ZNF844: variants seen among roughly 807,000 people sequenced by gnomAD.
The protein encoded by ZNF844 is zinc finger protein 844.
A neutral mutation model predicts 11.4 loss-of-function variants in ZNF844; 11 were observed. The observed-to-expected ratio is 0.97, with a 90% confidence interval of 0.61 to 1.60. The LOEUF is 1.60. Ranked by LOEUF, ZNF844 falls within the 40% of genes most tolerant of loss-of-function variation. The pLI, the probability that ZNF844 is intolerant of heterozygous loss-of-function variation, is 0.00. For synonymous variants in ZNF844, 248 were observed against 260.3 expected, an observed-to-expected ratio of 0.95 and a Z score of 0.46; for missense variants, 790 against 796.8, an observed-to-expected ratio of 0.99 and a Z score of 0.10.
chr19:12,072,616 T>G (rs778242137), intron 1 of ZNF844, among the ~76,000 whole-genome samples: 9 of 152,106 alleles, frequency 5.9e-5, no homozygotes, highest in Non-Finnish European at 1.2e-4. Flanking sequence ...AAAGTCTCAG[T>G]GTTGTTGCCC....
rs1975878073 is a variant in ZNF844 at position 12,080,102 on chromosome 19, A to C, written c.*2981A>C. On this transcript the variant is annotated 3_prime_UTR_variant, in exon 4 of 4. Transcript: ENST00000439326. ...AGTGGCTCACGCCTGTAATCCCAGC[A>C]CTTTGGGAGGCTGAGGTGGGCGGAT... 1 of 160,664 alleles carries C rather than the reference A, an allele frequency of 6.2e-6. No individual in the cohort carries two copies. Among genetic ancestry groups the C allele is most frequent in the Non-Finnish European group, 1.4e-5 (1 of 73,670 alleles). 10.0% of individuals were successfully genotyped at this position (160,664 alleles called of 1,614,324 possible).
rs552020955 is a variant in ZNF844, at chr19:12,076,892, T to G, written c.1772T>G (p.Val591Gly). 3 of 1,574,656 alleles carry G rather than the reference T, an allele frequency of 1.9e-6. No individual in the cohort carries two copies. The highest frequency in any genetic ancestry group is 2.6e-6 in the Non-Finnish European group (3 of 1,160,094). The change falls in exon 4 of 4, where the codon GTG becomes GGG. Residue 591 changes from valine to glycine, a missense_variant. By Grantham distance (109) the Val-to-Gly change is moderately radical (BLOSUM62 -3). Transcript: ENST00000439326. ...EDRMPMNVKS[V>G]TKHSYLPRSF... The stretch of plus-strand genomic sequence containing the variant: ...AGAATGCCTATGAATGTAAAGAGTG[T>G]GACAAAGCATTCATATCTGCCAAGA...
In ZNF844 at chr19:12,075,655, A is replaced by G. The variant is rs1166322728; in HGVS notation, c.535A>G (p.Ile179Val). The change falls in exon 4 of 4, where the codon ATA becomes GTA. Residue 179 changes from isoleucine (I) to valine (V), a missense_variant. Physicochemically the swap from Ile to Val is conservative, Grantham distance 29. This residue lies in a region of ZNF844 where 657 missense variants were observed against 636.2 expected (regional missense o/e 1.03). Coordinates refer to ENST00000439326, the MANE Select transcript of ZNF844 (RefSeq NM_001136501.3). The stretch of plus-strand genomic sequence containing the variant: ...TTGTAAAGAATGTGGAAAAACCTTC[A>G]TATCCCATTCAAGCATTCAAAGACA... ...YDCKECGKTF[I>V]SHSSIQRHMI... 6.2e-7 allele frequency: 1 copy of G among 1,612,122 alleles called. No individual in the cohort carries two copies. Among genetic ancestry groups the G allele is most frequent in the African/African-American group, 1.3e-5 (1 of 74,720 alleles).
chr19:12,071,835 T>G (rs1246460674), intron 1 of ZNF844, among the ~76,000 whole-genome samples: 1 of 152,020 alleles, frequency 6.6e-6, no homozygotes, highest in Admixed American at 6.6e-5. Flanking sequence ...AATACTGTAT[T>G]TTTGTGACTG....
Position 12,066,530 on chromosome 19 carries a change from CTTT to C in ZNF844, c.3+1676_3+1678del, listed in dbSNP as rs80186949. Among the ~76,000 whole-genome samples the C allele has an allele frequency of 7.4e-3, 680 of 92,306 alleles. 1 individual carries two copies. The highest frequency in any genetic ancestry group is 0.029 in the African/African-American group (633 of 21,744). 60.6% of individuals were successfully genotyped at this position (92,306 alleles called of 152,430 possible). ...ATTTAAACTATAACATAAATGTCTT[CTTT>C]TTTTTTTTTTTTTTTTTTTTTGTTG... On this transcript the variant is annotated intron_variant, in intron 1 of 3. Transcript: ENST00000439326.
At chr19:12,072,728 C>G (rs1157312152) in intron 1 of ZNF844, among the ~76,000 whole-genome samples, 2 of 152,020 alleles carry the variant, frequency 1.3e-5, no homozygotes, top group Admixed American at 6.6e-5. Flanking sequence ...GGATTACAGG[C>G]ACCCACCACC....
chr19:12,073,190 G>A (rs937485213), intron 1 of ZNF844, among the ~76,000 whole-genome samples: 15 of 149,390 alleles, frequency 1.0e-4, no homozygotes, highest in African/African-American at 2.7e-4. Context: ...ACAGAGTTTC[G>A]CTTTTGTTGC....
intron 1 of ZNF844, among the ~76,000 whole-genome samples, chr19:12,065,718 A>G (rs2145539880): frequency 6.7e-6 from 1 of 150,296 alleles, no homozygotes; most frequent in East Asian, 2.0e-4. Context: ...GCTCAGTGCA[A>G]CCTCTGCCTC....
Position 12,076,569 on chromosome 19 carries a change from G to T in ZNF844, c.1449G>T (p.Lys483Asn), listed in dbSNP as rs372799767. The T allele has an allele frequency of 2.0e-5, 32 of 1,610,120 alleles. No homozygotes were observed. The African/African-American group carries it at 3.6e-4, about 18-fold the overall frequency. The change falls in exon 4 of 4, where the codon AAG (lysine) becomes AAT (asparagine). Residue 483 changes from lysine to asparagine, a missense_variant. Lys to Asn is a moderately conservative substitution (Grantham distance 94, BLOSUM62 0). Around this residue, in one of 3 missense-constraint regions of ZNF844, gnomAD observed 657 missense variants for 636.2 expected, o/e 1.03. Coordinates refer to ENST00000439326, the MANE Select transcript of ZNF844 (RefSeq NM_001136501.3). The part of the protein sequence containing the change: ...RNPMNVSSVV[K>N]PSFFPLPFDI... ...CTATGAATGTAAGCAGTGTGGTAAA[G>T]CCTTCATTTTTTCCACTTCCTTTCG...
chr19:12,067,290 G>C (rs1395884079), intron 1 of ZNF844, among the ~76,000 whole-genome samples: 1 of 152,054 alleles, frequency 6.6e-6, no homozygotes, highest in Non-Finnish European at 1.5e-5. Context: ...CTCCAGTCTG[G>C]GTGACAGAGT....
At chr19:12,067,361 C>T (rs904234895) in intron 1 of ZNF844, among the ~76,000 whole-genome samples, 2 of 151,998 alleles carry the variant, frequency 1.3e-5, no homozygotes, top group Admixed American at 6.6e-5. Context: ...CCTGTAATCC[C>T]AGCGCTTTGG....
At chr19:12,066,342 CAAGCAAAAAACCTGAAA>C (rs940480590) in intron 1 of ZNF844, among the ~76,000 whole-genome samples, 3 of 151,648 alleles carry the variant, frequency 2.0e-5, no homozygotes, top group African/African-American at 7.3e-5. Context: ...GGGTGTCAGA[CAAGCAAAAAACCTGAAA>C]ACACTTATCT....
At chr19:12,065,048 G>C (rs997813756) in intron 1 of ZNF844, among the ~76,000 whole-genome samples, 172 bp downstream of exon 1, 1 of 151,954 alleles carries the variant, frequency 6.6e-6, no homozygotes, top group African/African-American at 2.4e-5. Context: ...CGGCCGCCGG[G>C]TGCGGCTGGG....
At chr19:12,066,643 T>C (rs1220870491) in intron 1 of ZNF844, among the ~76,000 whole-genome samples, 11 of 147,712 alleles carry the variant, frequency 7.4e-5, no homozygotes, top group Non-Finnish European at 1.3e-4. Flanking sequence ...GCCTCCCGGG[T>C]TCACGCCATT....
At chr19:12,065,005 G>C (rs900889998) in intron 1 of ZNF844, 129 bp downstream of exon 1, 1 of 1,016,074 alleles carries the variant, frequency 9.8e-7, no homozygotes, top group African/African-American at 1.7e-5. Flanking sequence ...TGGGGCCCGA[G>C]CCCCGCTGGC....
In ZNF844 at chr19:12,067,936, G is replaced by GAA. The variant is rs1392287863; in HGVS notation, c.3+3062_3+3063dup. Among the ~76,000 whole-genome samples, 4 of 131,970 alleles carry GAA rather than the reference G, an allele frequency of 3.0e-5. No homozygotes were observed. In the Admixed American group the frequency reaches 3.0e-4, roughly 10 times the overall value. 86.6% of individuals were successfully genotyped at this position (131,970 alleles called of 152,430 possible). ...CAAAAAAAAGAAAGAAAGAAAGAAA[G>GAA]AAAGAAAGAAGGAAAGAAGGAAAGA... On this transcript the variant is annotated intron_variant, in intron 1 of 3. Transcript: ENST00000439326.
chr19:12,073,273 CCT>C (rs1010560847), intron 1 of ZNF844, among the ~76,000 whole-genome samples: 4 of 152,104 alleles, frequency 2.6e-5, no homozygotes, highest in Non-Finnish European at 4.4e-5. Flanking sequence ...AATTCTCCTG[CCT>C]CAGCCTCCCG....
Position 12,080,380 on chromosome 19 carries a change from G to A in ZNF844, c.*3259G>A. 5.3e-6 allele frequency: 2 copies of A among 379,568 alleles called. No individual in the cohort carries two copies. The highest frequency in any genetic ancestry group is 3.5e-5 in the Admixed American group (1 of 28,336). The allele number at this position is 379,568 out of a possible 1,614,324, so 23.5% of individuals were successfully genotyped here. A position where few individuals can be genotyped will look rare whatever the true frequency, so the allele number is the denominator to read the frequency against. ...AAAAAAAAAAAAGAGAAGTCTGACA[G>A]GACAATAAAATTTAGAAATGGAGTT... is the stretch of plus-strand genomic sequence containing the variant. On this transcript the variant is annotated 3_prime_UTR_variant, in exon 4 of 4. Coordinates refer to ENST00000439326, the MANE Select transcript of ZNF844 (RefSeq NM_001136501.3).
chr19:12,064,787 G>A lies in ZNF844; in HGVS notation c.-87G>A. On this transcript the variant is annotated 5_prime_UTR_variant, in exon 1 of 4. Transcript: ENST00000439326. ...GCACCCCGTTTTTCCTGCTCTGAGA[G>A]GGACCGGTTGCCACCGCCATACTTC... The A allele has an allele frequency of 6.8e-7, 1 of 1,462,108 alleles. No homozygotes were observed. Among genetic ancestry groups the A allele is most frequent in the African/African-American group, 1.4e-5 (1 of 69,992 alleles). 90.6% of individuals were successfully genotyped at this position (1,462,108 alleles called of 1,614,324 possible).
Sources: allele counts gnomAD v4.1 joint callset (sites outside exome capture counted in the v4.1 genomes callset), GRCh38; gene constraint gnomAD v4.1.1; regional missense constraint gnomAD v4.1.1; transcripts MANE v1.5; gene names NCBI Gene and HGNC (gene_info 2026-07-23, HGNC 2026-07-21).